CCSER1: variants seen among roughly 807,000 people sequenced by gnomAD.
CCSER1 encodes the protein serine-rich coiled-coil domain-containing protein 1.
In CCSER1, 41 loss-of-function variants were observed where a neutral mutation model predicts 82.0. The observed-to-expected ratio is 0.50, with a 90% CI of 0.39 to 0.65. CCSER1 has a LOEUF of 0.65. CCSER1 is among the 30% of genes least tolerant of loss of function. The probability of loss-of-function intolerance (pLI) is 0.00; values close to 1 mark genes in which losing one functional copy is unlikely to be tolerated. For missense variants in CCSER1, 1,119 were observed against 1,064.2 expected (o/e 1.05, Z -0.72); for synonymous variants, 414 against 383.9 (o/e 1.08, Z -0.92).
At chr4:90,247,267 G>A (rs556703856) in intron 1 of CCSER1, among the ~76,000 whole-genome samples, 97 of 152,150 alleles carry the variant, frequency 6.4e-4, no homozygotes, top group Non-Finnish European at 1.2e-3. Context: ...CCATCCCATA[G>A]CAAACATTAG....
At chr4:91,474,755 A>T (rs866112376) in intron 10 of CCSER1, among the ~76,000 whole-genome samples, 5 of 135,534 alleles carry the variant, frequency 3.7e-5, no homozygotes, top group African/African-American at 1.1e-4. Context: ...ACACACACAC[A>T]CACATGTGTG....
chr4:90,735,706 T>G (rs1745523284), intron 7 of CCSER1, among the ~76,000 whole-genome samples: 3 of 152,242 alleles, frequency 2.0e-5, no homozygotes, highest in African/African-American at 2.4e-5. Context: ...TCTGTTTTCT[T>G]AGTCTGGCTA....
intron 9 of CCSER1, among the ~76,000 whole-genome samples, chr4:91,064,394 A>C (rs896875743): frequency 6.6e-6 from 1 of 152,238 alleles, no homozygotes; most frequent in Non-Finnish European, 1.5e-5. Context: ...AAGAGAAAAG[A>C]CACATCCAGC....
Position 91,121,713 on chromosome 4 carries a change from T to A in CCSER1, c.2217+35719T>A, listed in dbSNP as rs536899574. On this transcript the variant is annotated intron_variant, in intron 10 of 10. Coordinates refer to ENST00000509176, the MANE Select transcript of CCSER1 (RefSeq NM_001145065.2). ...AAATCTATACCAAGAAATAATTTTT[T>A]AAAATGTAATACTTTCCTTTAAAAA... Among the ~76,000 whole-genome samples the A allele has an allele frequency of 4.0e-5, 6 of 151,740 alleles. No individual in the cohort carries two copies. In the East Asian group the frequency reaches 1.2e-3, roughly 29 times the overall value.
At chr4:91,583,601 T>C (rs573788740) in intron 10 of CCSER1, among the ~76,000 whole-genome samples, 2 of 151,666 alleles carry the variant, frequency 1.3e-5, no homozygotes, top group East Asian at 3.9e-4. Context: ...ATTATTGGGA[T>C]ATGCAATAAT....
chr4:91,550,316 GC>G (rs1365797860), intron 10 of CCSER1, among the ~76,000 whole-genome samples: 3 of 152,130 alleles, frequency 2.0e-5, no homozygotes, highest in African/African-American at 7.2e-5. Flanking sequence ...TCCACACCAT[GC>G]CCCATGACTG....
intron 10 of CCSER1, among the ~76,000 whole-genome samples, chr4:91,117,913 A>G (rs1443073979): frequency 1.3e-5 from 2 of 152,124 alleles, no homozygotes; most frequent in African/African-American, 4.8e-5. Flanking sequence ...TAGCAAATTC[A>G]CTGTCTTCTT....
In CCSER1 at chr4:90,601,442, C is replaced by T. The variant is rs191572697; in HGVS notation, c.1725-26583C>T. Among the ~76,000 whole-genome samples the T allele has an allele frequency of 5.0e-3, 754 of 152,150 alleles. 4 individuals are homozygous for T. The highest frequency in any genetic ancestry group is 8.2e-3 in the Non-Finnish European group (557 of 67,936). ...TTTTCTTCACTTTTCTCTCCCTCCC[C>T]TCCGTGCCTCTTTCCCAACTAAAAG... is the stretch of plus-strand genomic sequence containing the variant. On this transcript the variant is annotated intron_variant, in intron 5 of 10. Transcript: ENST00000509176.
At chr4:90,550,156 A>AG (rs774767369) in intron 5 of CCSER1, among the ~76,000 whole-genome samples, 13 of 152,158 alleles carry the variant, frequency 8.5e-5, no homozygotes, top group Non-Finnish European at 1.9e-4. Context: ...GAGGAGAGCA[A>AG]GGGGTAGTTA....
intron 3 of CCSER1, among the ~76,000 whole-genome samples, chr4:90,345,779 C>T (rs1742206790): frequency 6.6e-6 from 1 of 152,100 alleles, no homozygotes; most frequent in Non-Finnish European, 1.5e-5. Flanking sequence ...AAGATCTCCA[C>T]ATCTCTCTAT....
At chr4:91,137,052 G>T in intron 10 of CCSER1, among the ~76,000 whole-genome samples, 1 of 147,980 alleles carries the variant, frequency 6.8e-6, no homozygotes, top group Admixed American at 6.8e-5. Context: ...GGGTACATGT[G>T]CACATTGTGC....
At chr4:90,369,359 A>G (rs1320823774) in intron 3 of CCSER1, among the ~76,000 whole-genome samples, 8 of 151,600 alleles carry the variant, frequency 5.3e-5, no homozygotes, top group African/African-American at 1.9e-4. Flanking sequence ...AAAGAGGAGG[A>G]AAAGGAAAAG....
intron 1 of CCSER1, among the ~76,000 whole-genome samples, chr4:90,235,665 G>T (rs1170844629): frequency 6.6e-6 from 1 of 151,948 alleles, no homozygotes; most frequent in Non-Finnish European, 1.5e-5. Context: ...AGTGTAAATA[G>T]CTTTGGTATT....
At chr4:90,811,969 C>CGT (rs1554019002) in intron 7 of CCSER1, among the ~76,000 whole-genome samples, 2,430 of 131,400 alleles carry the variant, frequency 0.018, 36 homozygotes, top group African/African-American at 0.044. Context: ...TATATATACA[C>CGT]ATATATATAT....
intron 1 of CCSER1, among the ~76,000 whole-genome samples, chr4:90,199,043 G>T (rs1003287051): frequency 6.6e-6 from 1 of 151,918 alleles, no homozygotes; most frequent in African/African-American, 2.4e-5. Flanking sequence ...ATTTTCAAGC[G>T]TCTGATACAC....
chr4:90,497,476 G>A (rs989398994), intron 5 of CCSER1, among the ~76,000 whole-genome samples: 31 of 152,144 alleles, frequency 2.0e-4, no homozygotes, highest in Non-Finnish European at 3.4e-4. Context: ...TCATAACTAA[G>A]AATAAAAACA....
At chr4:90,963,425 T>C (rs1294207142) in intron 9 of CCSER1, among the ~76,000 whole-genome samples, 1 of 152,172 alleles carries the variant, frequency 6.6e-6, no homozygotes, top group Non-Finnish European at 1.5e-5. Flanking sequence ...TTTTTTGTTA[T>C]GGACTGATTT....
chr4:90,811,971 T>C (rs1056616492), intron 7 of CCSER1, among the ~76,000 whole-genome samples: 120 of 30,824 alleles, frequency 3.9e-3, no homozygotes, highest in Admixed American at 0.014. Flanking sequence ...TATATACACA[T>C]ATATATATAT....
At chr4:90,273,622 T>C (rs775711790) in intron 1 of CCSER1, among the ~76,000 whole-genome samples, 1 of 152,204 alleles carries the variant, frequency 6.6e-6, no homozygotes, top group Non-Finnish European at 1.5e-5. Context: ...TAATATAACA[T>C]GCAAAATCAC....
Sources: allele counts gnomAD v4.1 joint callset (sites outside exome capture counted in the v4.1 genomes callset), GRCh38; gene constraint gnomAD v4.1.1; transcripts MANE v1.5; gene names NCBI Gene and HGNC (gene_info 2026-07-23, HGNC 2026-07-21).